CNKSR3: variants seen among roughly 807,000 people sequenced by gnomAD.
CNKSR3 encodes the protein connector enhancer of kinase suppressor of ras 3.
Under a neutral mutation model 67.7 loss-of-function variants are expected in CNKSR3, and 36 were observed. That is an observed-to-expected ratio of 0.53 (90% CI 0.41 to 0.70). The LOEUF (loss-of-function observed/expected upper bound fraction) is 0.70, where lower values mean the gene tolerates loss of function less well. CNKSR3 is among the 30% of genes least tolerant of loss of function. CNKSR3 has a pLI of 0.00. For missense variants in CNKSR3, 630 were observed against 695.2 expected (o/e 0.91, Z 1.05); for synonymous variants, 281 against 271.4 (o/e 1.04, Z -0.35).
At chr6:154,508,282 T>C (rs1182621862) in intron 1 of CNKSR3, among the ~76,000 whole-genome samples, 1 of 152,206 alleles carries the variant, frequency 6.6e-6, no homozygotes, top group East Asian at 1.9e-4. Context: ...ATACTATCAT[T>C]TCCACATGTA....
chr6:154,446,835 C>T (rs1785716857), intron 2 of CNKSR3, among the ~76,000 whole-genome samples: 1 of 141,108 alleles, frequency 7.1e-6, no homozygotes, highest in Non-Finnish European at 1.5e-5. Flanking sequence ...GATGGTGTCT[C>T]ACTCTGTCGC....
rs1485778840 is a variant in CNKSR3 at position 154,391,282 on chromosome 6, G to GA, written c.*15071_*15072insT. ...GGGGTCTCACTCTGTCACCCAGGCTGGAGTGCAGTGGCACAATCTCGGCTC... is the reference window on the plus strand; with the variant it reads ...GGGGTCTCACTCTGTCACCCAGGCTGAGAGTGCAGTGGCACAATCTCGGCTC... On this transcript the variant is annotated 3_prime_UTR_variant, in exon 13 of 13. Coordinates refer to ENST00000607772, the MANE Select transcript of CNKSR3 (RefSeq NM_173515.4). The GA allele has an allele frequency of 1.3e-5, 2 of 152,182 alleles. No homozygotes were observed. Among genetic ancestry groups the GA allele is most frequent in the Non-Finnish European group, 2.9e-5 (2 of 68,146 alleles). The allele number at this position is 152,182 out of a possible 1,614,324, so 9.4% of individuals were successfully genotyped here. A position where few individuals can be genotyped will look rare whatever the true frequency, so the allele number is the denominator to read the frequency against.
chr6:154,495,913 C>A (rs755786070), intron 1 of CNKSR3, among the ~76,000 whole-genome samples: 53 of 151,932 alleles, frequency 3.5e-4, no homozygotes, highest in Non-Finnish European at 4.1e-4. Flanking sequence ...TCAACCCTCC[C>A]CATTGCCACG....
chr6:154,471,000 T>C (rs1220155839), intron 1 of CNKSR3, among the ~76,000 whole-genome samples: 2 of 151,830 alleles, frequency 1.3e-5, no homozygotes, highest in East Asian at 3.8e-4. Context: ...TAGTGTATTA[T>C]TGTGTTATCA....
chr6:154,462,887 G>C (rs113584220), intron 1 of CNKSR3, among the ~76,000 whole-genome samples: 1 of 152,188 alleles, frequency 6.6e-6, no homozygotes, highest in African/African-American at 2.4e-5. Flanking sequence ...ATGCATGGCC[G>C]CATTATTTAC....
At chr6:154,449,066 G>A (rs960786131) in intron 2 of CNKSR3, among the ~76,000 whole-genome samples, 1 of 152,052 alleles carries the variant, frequency 6.6e-6, no homozygotes, top group Non-Finnish European at 1.5e-5. Context: ...GGTGTTTTTG[G>A]CCCACACCTA....
rs1208552082 is a variant in CNKSR3, at chr6:154,403,138, G to T, written c.*3216C>A. ...GATGCTATAAAATATTATAATAGGG[G>T]TAGGTGTTGAGTTGTGTCTGGGAGA... is the stretch of plus-strand genomic sequence containing the variant. On this transcript the variant is annotated 3_prime_UTR_variant, in exon 13 of 13. Coordinates refer to ENST00000607772, the MANE Select transcript of CNKSR3 (RefSeq NM_173515.4). 1 of 152,076 alleles carries T rather than the reference G, an allele frequency of 6.6e-6. No homozygotes were observed. The highest frequency in any genetic ancestry group is 1.5e-5 in the Non-Finnish European group (1 of 68,028). The allele number at this position is 152,076 out of a possible 1,614,324, so 9.4% of individuals were successfully genotyped here. A position where few individuals can be genotyped will look rare whatever the true frequency, so the allele number is the denominator to read the frequency against.
chr6:154,496,785 G>A (rs145891428), intron 1 of CNKSR3, among the ~76,000 whole-genome samples: 98 of 152,274 alleles, frequency 6.4e-4, no homozygotes, highest in Non-Finnish European at 1.2e-3. Context: ...TAAGATTACA[G>A]GTTAAAATTA....
chr6:154,423,044 T>C (rs1312817849), intron 7 of CNKSR3, 61 bp from the exon 8 acceptor site: 3 of 1,123,614 alleles, frequency 2.7e-6, no homozygotes, highest in East Asian at 4.9e-5. Context: ...TTTCTGCTTT[T>C]ATTTCTTCTT....
intron 11 of CNKSR3, 27 bp downstream of exon 11, chr6:154,410,907 A>G: frequency 6.3e-7 from 1 of 1,579,110 alleles, no homozygotes; most frequent in African/African-American, 1.3e-5. Flanking sequence ...GGCCAACGGC[A>G]GAACAAAACA....
intron 1 of CNKSR3, among the ~76,000 whole-genome samples, chr6:154,463,434 TG>T (rs76129110): frequency 0.18 from 27,011 of 152,068 alleles, 3,153 homozygotes; most frequent in African/African-American, 0.33. Flanking sequence ...GCACATGGGC[TG>T]GGGGTATTCA....
At chr6:154,479,777 G>T (rs1286723415) in intron 1 of CNKSR3, among the ~76,000 whole-genome samples, 6 of 152,238 alleles carry the variant, frequency 3.9e-5, no homozygotes, top group South Asian at 4.1e-4. Flanking sequence ...TAACTTTTTT[G>T]TTGTTGTTGT....
At position 154,399,925 on chromosome 6, in the gene CNKSR3, C is replaced by A. The variant is rs1455665647; in HGVS notation, c.*6429G>T. On this transcript the variant is annotated 3_prime_UTR_variant, in exon 13 of 13. Transcript: ENST00000607772. Reference sequence around the variant, plus strand: ...CTAGTCAGTGGAAGAACATTTCTCTCATTTTAATCATTTTTCTCCTGATAT... The same window carrying A: ...CTAGTCAGTGGAAGAACATTTCTCTAATTTTAATCATTTTTCTCCTGATAT... 1 of 152,170 alleles carries A rather than the reference C, an allele frequency of 6.6e-6. No homozygotes were observed. Among genetic ancestry groups the A allele is most frequent in the African/African-American group, 2.4e-5 (1 of 41,452 alleles). 9.4% of individuals were successfully genotyped at this position (152,170 alleles called of 1,614,324 possible).
chr6:154,450,120 T>A lies in CNKSR3; in HGVS notation c.191A>T (p.Glu64Val). ...TRIGHQELVL[E>V]AVDLLCALNY... ...CAGTGCACAGAGAAGGTCCACAGCC[T>A]CCAACACAAGCTCCTGGTGTCCAAT... The change falls in exon 2 of 13, where the codon GAG (glutamate) becomes GTG (valine). Residue 64 changes from glutamate to valine, a missense_variant. Glu to Val is a moderately radical substitution (Grantham distance 121). Around this residue, in one of 3 missense-constraint regions of CNKSR3, gnomAD observed 189 missense variants for 205.0 expected, o/e 0.92. Coordinates refer to ENST00000607772, the MANE Select transcript of CNKSR3 (RefSeq NM_173515.4). 6.2e-7 allele frequency: 1 copy of A among 1,614,148 alleles called. No individual in the cohort carries two copies. The highest frequency in any genetic ancestry group is 8.5e-7 in the Non-Finnish European group (1 of 1,180,030).
chr6:154,414,861 G>A, intron 9 of CNKSR3: 1 of 464,856 alleles, frequency 2.2e-6, no homozygotes, highest in Non-Finnish European at 4.4e-6. Flanking sequence ...GGGAGGCCAA[G>A]GTGGACAATG....
At chr6:154,420,403 T>C (rs576368061) in intron 9 of CNKSR3, among the ~76,000 whole-genome samples, 181 of 152,058 alleles carry the variant, frequency 1.2e-3, no homozygotes, top group African/African-American at 4.1e-3. Flanking sequence ...TAAAAATGCA[T>C]TGGTGGCCGG....
chr6:154,472,080 GC>G (rs1398273405), intron 1 of CNKSR3, among the ~76,000 whole-genome samples: 1 of 152,154 alleles, frequency 6.6e-6, no homozygotes, highest in East Asian at 1.9e-4. Context: ...AAGAGCACCT[GC>G]CCTGGGCAGG....
At chr6:154,459,305 A>G in intron 1 of CNKSR3, among the ~76,000 whole-genome samples, 1 of 152,140 alleles carries the variant, frequency 6.6e-6, no homozygotes, top group Non-Finnish European at 1.5e-5. Flanking sequence ...ATCCAAACAC[A>G]TAATAAAGAT....
At chr6:154,469,865 T>A (rs1033382224) in intron 1 of CNKSR3, among the ~76,000 whole-genome samples, 2 of 152,224 alleles carry the variant, frequency 1.3e-5, no homozygotes, top group Non-Finnish European at 2.9e-5. Context: ...GTTTTACAGA[T>A]AACATAAAGT....
Sources: allele counts gnomAD v4.1 joint callset (sites outside exome capture counted in the v4.1 genomes callset), GRCh38; gene constraint gnomAD v4.1.1; regional missense constraint gnomAD v4.1.1; transcripts MANE v1.5; gene names NCBI Gene and HGNC (gene_info 2026-07-23, HGNC 2026-07-21).